Variants in SLC25A21 observed in about 807,000 individuals in gnomAD.
The protein encoded by SLC25A21 is solute carrier family 25 member 21, also known as mitochondrial 2-oxodicarboxylate carrier.
A neutral mutation model predicts 43.8 loss-of-function variants in SLC25A21; 47 were observed. That is an observed-to-expected ratio of 1.07 (90% CI 0.85 to 1.37). SLC25A21 has a LOEUF of 1.37. SLC25A21 is among the 40% of genes most tolerant of loss of function. The pLI is 0.00. For synonymous variants in SLC25A21, 131 were observed against 121.3 expected, an observed-to-expected ratio of 1.08 and a Z score of -0.52; for missense variants, 352 against 350.2, an observed-to-expected ratio of 1.00 and a Z score of -0.04.
chr14:37,011,924 C>CA (rs145577659), intron 1 of SLC25A21, among the ~76,000 whole-genome samples: 14,147 of 152,160 alleles, frequency 0.093, 2,181 homozygotes, highest in African/African-American at 0.32. Flanking sequence ...TCATACCCAC[C>CA]ACTTAGCTCT....
chr14:36,781,810 C>G (rs1052233053), intron 3 of SLC25A21, among the ~76,000 whole-genome samples: 1 of 152,122 alleles, frequency 6.6e-6, no homozygotes. Flanking sequence ...CTGAATTTGA[C>G]TATATATTTA....
chr14:36,822,835 TTG>T (rs1188836604), intron 2 of SLC25A21, among the ~76,000 whole-genome samples: 2 of 152,258 alleles, frequency 1.3e-5, no homozygotes, highest in African/African-American at 4.8e-5. Context: ...GACTGATATT[TTG>T]TGTCTGTACA....
intron 2 of SLC25A21, among the ~76,000 whole-genome samples, chr14:36,814,672 G>C (rs1390665107): frequency 6.6e-6 from 1 of 152,216 alleles, no homozygotes; most frequent in Non-Finnish European, 1.5e-5. Flanking sequence ...GCAAACAACA[G>C]ATGCTGGCGA....
At chr14:37,017,819 A>C (rs1960895839) in intron 1 of SLC25A21, among the ~76,000 whole-genome samples, 1 of 152,018 alleles carries the variant, frequency 6.6e-6, no homozygotes, top group Non-Finnish European at 1.5e-5. Context: ...AAGGAAAGGG[A>C]AGGTAAAATA....
At chr14:36,721,976 C>T (rs548724162) in intron 6 of SLC25A21, among the ~76,000 whole-genome samples, 16 of 152,306 alleles carry the variant, frequency 1.1e-4, no homozygotes, top group African/African-American at 3.8e-4. Context: ...AAACTCTCAC[C>T]TTCTCCTCCT....
chr14:36,789,885 T>C (rs1887411204), intron 3 of SLC25A21, among the ~76,000 whole-genome samples: 1 of 120,906 alleles, frequency 8.3e-6, no homozygotes, highest in South Asian at 2.3e-4. Flanking sequence ...TATATTTATA[T>C]AAAATATATA....
intron 1 of SLC25A21, among the ~76,000 whole-genome samples, chr14:37,109,540 T>C (rs935837103): frequency 2.0e-5 from 3 of 152,202 alleles, no homozygotes; most frequent in East Asian, 1.9e-4. Flanking sequence ...GTTATATAAA[T>C]ACAAATTTGG....
At chr14:36,757,712 T>C (rs576172299) in intron 3 of SLC25A21, among the ~76,000 whole-genome samples, 2 of 152,376 alleles carry the variant, frequency 1.3e-5, no homozygotes, top group Admixed American at 6.5e-5. Context: ...ATTCTGCTTA[T>C]ATTGAAAATG....
intron 1 of SLC25A21, among the ~76,000 whole-genome samples, chr14:36,930,773 T>C (rs1328164519): frequency 6.6e-6 from 1 of 152,146 alleles, no homozygotes; most frequent in Non-Finnish European, 1.5e-5. Flanking sequence ...AGGGTCTTCA[T>C]GGTCTGGCAT....
At chr14:36,689,233 T>C (rs1362775636) in intron 7 of SLC25A21, among the ~76,000 whole-genome samples, 2 of 152,170 alleles carry the variant, frequency 1.3e-5, no homozygotes, top group Non-Finnish European at 2.9e-5. Context: ...CCATCAGCCT[T>C]CATGAAACCC....
At chr14:37,075,626 C>T (rs1285424817) in intron 1 of SLC25A21, among the ~76,000 whole-genome samples, 2 of 151,888 alleles carry the variant, frequency 1.3e-5, no homozygotes, top group African/African-American at 4.8e-5. Context: ...CTTATGTATG[C>T]AGAAAAAAAG....
chr14:36,858,212 C>T (rs1334052577), intron 2 of SLC25A21, among the ~76,000 whole-genome samples: 1 of 152,158 alleles, frequency 6.6e-6, no homozygotes, highest in Non-Finnish European at 1.5e-5. Context: ...TGATTCAGGG[C>T]TGTGGTGTCT....
chr14:36,958,277 C>A (rs1959394682), intron 1 of SLC25A21, among the ~76,000 whole-genome samples: 2 of 152,278 alleles, frequency 1.3e-5, no homozygotes, highest in Admixed American at 1.3e-4. Flanking sequence ...CTAAGACAGA[C>A]AAGATTCACA....
At chr14:37,089,510 T>C (rs1962544606) in intron 1 of SLC25A21, among the ~76,000 whole-genome samples, 1 of 152,238 alleles carries the variant, frequency 6.6e-6, no homozygotes. Flanking sequence ...CACTACTATA[T>C]GAATCCCAAC....
intron 1 of SLC25A21, among the ~76,000 whole-genome samples, chr14:36,880,713 T>C (rs917160594): frequency 6.6e-6 from 1 of 152,178 alleles, no homozygotes; most frequent in Admixed American, 6.5e-5. Context: ...GAACCTTATA[T>C]AAATAAGCAG....
chr14:37,115,897 A>G (rs1963097485), intron 1 of SLC25A21, among the ~76,000 whole-genome samples: 1 of 152,236 alleles, frequency 6.6e-6, no homozygotes, highest in African/African-American at 2.4e-5. Flanking sequence ...CACTTTGGCT[A>G]AAGTATTTAA....
At chr14:37,048,131 T>C (rs1287637353) in intron 1 of SLC25A21, among the ~76,000 whole-genome samples, 1 of 152,198 alleles carries the variant, frequency 6.6e-6, no homozygotes, top group African/African-American at 2.4e-5. Context: ...TGTACCCATT[T>C]AGGCTCATTT....
chr14:37,016,053 C>G (rs1360978518), intron 1 of SLC25A21, among the ~76,000 whole-genome samples: 1 of 151,924 alleles, frequency 6.6e-6, no homozygotes, highest in Non-Finnish European at 1.5e-5. Flanking sequence ...TTAATTAGAT[C>G]CGATTTGTCA....
At chr14:37,149,995 T>C (rs1963731647) in intron 1 of SLC25A21, among the ~76,000 whole-genome samples, 1 of 152,164 alleles carries the variant, frequency 6.6e-6, no homozygotes, top group Non-Finnish European at 1.5e-5. Flanking sequence ...TAAAACTTTT[T>C]CCTTACAGAA....
Sources: allele counts gnomAD v4.1 joint callset (sites outside exome capture counted in the v4.1 genomes callset), GRCh38; gene constraint gnomAD v4.1.1; transcripts MANE v1.5; gene names NCBI Gene and HGNC (gene_info 2026-07-23, HGNC 2026-07-21).